The following FKRP variants were observed in gnomAD, a reference collection of about 807,000 sequenced individuals.
FKRP encodes the protein fukutin related protein.
A neutral mutation model predicts 30.6 loss-of-function variants in FKRP; 25 were observed. The observed-to-expected ratio is 0.82, with a 90% CI of 0.60 to 1.14. The LOEUF is 1.14. FKRP is among the 50% of genes most tolerant of loss of function. FKRP has a pLI of 0.00. For missense variants in FKRP, 771 were observed against 727.8 expected, an observed-to-expected ratio of 1.06 and a Z score of -0.68; for synonymous variants, 358 against 342.5, an observed-to-expected ratio of 1.05 and a Z score of -0.50.
rs1474419297 is a variant in FKRP, at chr19:46,757,713, AATAGAAGT to A, written c.*778_*785del. 1.2e-5 allele frequency: 2 copies of A among 167,252 alleles called. No homozygotes were observed. The highest frequency in any genetic ancestry group is 2.9e-5 in the Non-Finnish European group (2 of 68,258). The allele number at this position is 167,252 out of a possible 1,614,324, so 10.4% of individuals were successfully genotyped here. On this transcript the variant is annotated 3_prime_UTR_variant, in exon 4 of 4. Transcript: ENST00000318584. ...CTCTTAACTGTTCTATTCAAGACTG[AATAGAAGT>A]ATTTCAGTCTTGCAGAGGAGGAAAT...
upstream of FKRP, among the ~76,000 whole-genome samples, chr19:46,745,210 C>T (rs957081277): frequency 6.6e-6 from 1 of 152,086 alleles, no homozygotes; most frequent in African/African-American, 2.4e-5. Flanking sequence ...GTTCAGGGCT[C>T]TCTACCTACA....
At chr19:46,746,118 T>TG in intron 1 of FKRP, 28 bp downstream of exon 1, 2 of 1,373,066 alleles carry the variant, frequency 1.5e-6, no homozygotes, top group Non-Finnish European at 1.9e-6. Context: ...CGGGCCGGGT[T>TG]GGGGGTCGGG....
intron 1 of FKRP, 121 bp downstream of exon 1, chr19:46,746,211 G>T (rs1257640369): frequency 1.3e-6 from 2 of 1,538,982 alleles, no homozygotes; most frequent in Admixed American, 3.7e-5. Flanking sequence ...GCCCACTCGT[G>T]CTGGATAAAG....
intron 2 of FKRP, among the ~76,000 whole-genome samples, 183 bp from the exon 3 acceptor site, chr19:46,748,332 C>A (rs968188266): frequency 6.6e-6 from 1 of 152,120 alleles, no homozygotes; most frequent in Non-Finnish European, 1.5e-5. Context: ...CACCTGCCAC[C>A]ACGCCCGGCT....
intron 1 of FKRP, chr19:46,747,312 T>C (rs1029751460): frequency 6.6e-6 from 1 of 152,100 alleles, no homozygotes; most frequent in Admixed American, 6.6e-5. Flanking sequence ...ACAGGCAAGT[T>C]CAAGGCCTGG....
rs1425290059 is a variant in FKRP at position 46,756,902 on chromosome 19, C to T, written c.1452C>T (p.Pro484=). Residue 484 remains proline (P), a synonymous_variant, in exon 4 of 4, where the codon CCC becomes CCT. Coordinates refer to ENST00000318584, the MANE Select transcript of FKRP (RefSeq NM_024301.5). This position sits in a 1 kb window ranked among gnomAD's most constrained non-coding sequence, Gnocchi z 6.6. Reference sequence around the variant, plus strand: ...GGGTCATCGAGAACCCCCAGTACCCCAACCCGGCACTGCTGAGTCTGACGG... The same window carrying T: ...GGGTCATCGAGAACCCCCAGTACCCTAACCCGGCACTGCTGAGTCTGACGG... The part of the protein sequence containing the change: ...GPGVIENPQY[P]NPALLSLTGS... 1 of 1,612,902 alleles carries T rather than the reference C, an allele frequency of 6.2e-7. No individual in the cohort carries two copies. Among genetic ancestry groups the T allele is most frequent in the Non-Finnish European group, 8.5e-7 (1 of 1,179,964 alleles).
chr19:46,754,206 T>C (rs2054853552), intron 3 of FKRP: 1 of 151,992 alleles, frequency 6.6e-6, no homozygotes, highest in African/African-American at 2.4e-5. Flanking sequence ...ACCCAGCTAA[T>C]TTTTTATTTT....
At position 46,756,822 on chromosome 19, in the gene FKRP, G is replaced by A. The variant is rs1480545874; in HGVS notation, c.1372G>A (p.Val458Met). 1.9e-6 allele frequency: 3 copies of A among 1,599,296 alleles called. No individual in the cohort carries two copies. The change falls in exon 4 of 4, where the codon GTG (valine) becomes ATG (methionine). Residue 458 changes from valine to methionine, a missense_variant. Transcript: ENST00000318584. This position sits in a 1 kb window ranked among gnomAD's most constrained non-coding sequence, Gnocchi z 6.6. The part of the protein sequence containing the change: ...PLVPLPFAGF[V>M]AQAPNNYRRF... ...GGTGCCCCTGCCCTTTGCCGGCTTC[G>A]TGGCGCAGGCGCCTAACAACTACCG...
rs1555738285 is a variant in FKRP, at chr19:46,755,767, C to T, written c.317C>T (p.Pro106Leu). ...IPNVRLALLQ[P>L]ALDRPAAASR... is the part of the protein sequence containing the mutation. ...AACGTGCGTCTGGCGCTGCTCCAGC[C>T]CGCCCTGGACCGGCCAGCCGCAGCC... The change falls in exon 4 of 4, where the codon CCC becomes CTC. Residue 106 changes from proline (P) to leucine (L), a missense_variant. Transcript: ENST00000318584. 6.5e-7 allele frequency: 1 copy of T among 1,533,316 alleles called. No individual in the cohort carries two copies. The highest frequency in any genetic ancestry group is 8.7e-7 in the Non-Finnish European group (1 of 1,144,258). 95.0% of individuals were successfully genotyped at this position (1,533,316 alleles called of 1,614,324 possible). A position where few individuals can be genotyped will look rare whatever the true frequency, so the allele number is the denominator to read the frequency against.
chr19:46,757,310 AG>A lies in FKRP; in HGVS notation c.*376del. On this transcript the variant is annotated 3_prime_UTR_variant, in exon 4 of 4. Transcript: ENST00000318584. ...TTCCGAGAGCCCTGCGCTCTAGGGC[AG>A]GGGCAGAGTTTTGGAAACAGTGCAG... 1 of 342,718 alleles carries A rather than the reference AG, an allele frequency of 2.9e-6. No homozygotes were observed. 21.2% of individuals were successfully genotyped at this position (342,718 alleles called of 1,614,324 possible). A position where few individuals can be genotyped will look rare whatever the true frequency, so the allele number is the denominator to read the frequency against.
rs773630493 is a variant in FKRP, at chr19:46,746,135, G to A, written c.-253+45G>A. ...GGCCGGGTTGGGGGTCGGGGGTCCCGGGACAGCGCTCACCTGTAACTCGGC... is the reference window on the plus strand; with the variant it reads ...GGCCGGGTTGGGGGTCGGGGGTCCCAGGACAGCGCTCACCTGTAACTCGGC... On this transcript the variant is annotated intron_variant, in intron 1 of 3. Coordinates refer to ENST00000318584, the MANE Select transcript of FKRP (RefSeq NM_024301.5). The A allele has an allele frequency of 3.3e-6, 5 of 1,495,926 alleles. No individual in the cohort carries two copies. The Admixed American group carries it at 6.5e-5, about 20-fold the overall frequency. 92.7% of individuals were successfully genotyped at this position (1,495,926 alleles called of 1,614,324 possible).
At position 46,757,157 on chromosome 19, in the gene FKRP, C is replaced by T; in HGVS notation, c.*219C>T. ...CTCCAGATTTATCAAATGGTCATGC[C>T]CACTGGGAGCCGTGGATATGCGTGG... On this transcript the variant is annotated 3_prime_UTR_variant, in exon 4 of 4. Coordinates refer to ENST00000318584, the MANE Select transcript of FKRP (RefSeq NM_024301.5). 1.5e-6 allele frequency: 1 copy of T among 655,068 alleles called. No individual in the cohort carries two copies. The highest frequency in any genetic ancestry group is 1.8e-5 in the South Asian group (1 of 54,840). 40.6% of individuals were successfully genotyped at this position (655,068 alleles called of 1,614,324 possible).
intron 3 of FKRP, among the ~76,000 whole-genome samples, chr19:46,749,353 T>C (rs2054738484): frequency 6.6e-6 from 1 of 151,956 alleles, no homozygotes; most frequent in Non-Finnish European, 1.5e-5. Flanking sequence ...CTACTTCACA[T>C]TGTGTGACCT....
rs1555738753 is a variant in FKRP, at chr19:46,756,228, G to T, written c.778G>T (p.Glu260Ter). The change falls in exon 4 of 4, where the codon GAG becomes TAG. Residue 260 changes from glutamate to a stop codon, truncating the protein, a stop_gained. Coordinates refer to ENST00000318584, the MANE Select transcript of FKRP (RefSeq NM_024301.5). LOFTEE classifies it high-confidence loss of function. The surrounding 1 kb of genome is among the most constrained non-coding windows in gnomAD (Gnocchi z 6.6). ...TAHARWKAER[E>*]GRARRAALLR... Reference sequence around the variant, plus strand: ...CCACGCGCGCTGGAAGGCTGAGCGCGAGGGACGCGCTCGGCGGGCGGCGCT... The same window carrying T: ...CCACGCGCGCTGGAAGGCTGAGCGCTAGGGACGCGCTCGGCGGGCGGCGCT... 4 of 1,451,012 alleles carry T rather than the reference G, an allele frequency of 2.8e-6. No homozygotes were observed. Among genetic ancestry groups the T allele is most frequent in the Middle Eastern group, 2.0e-4 (1 of 5,074 alleles). 89.9% of individuals were successfully genotyped at this position (1,451,012 alleles called of 1,614,324 possible).
rs370575962 is a variant in FKRP, at chr19:46,756,569, C to A, written c.1119C>A (p.Gly373=). The part of the protein sequence containing the change: ...VDLGIYLEDV[G]NCEQLRGAEA... The stretch of plus-strand genomic sequence containing the variant: ...TGGGCATCTACTTGGAGGACGTGGG[C>A]AACTGCGAGCAGCTGCGGGGGGCAG... The change falls in exon 4 of 4, where the codon GGC becomes GGA. Residue 373 remains glycine (G), a synonymous_variant. Coordinates refer to ENST00000318584, the MANE Select transcript of FKRP (RefSeq NM_024301.5). This position sits in a 1 kb window ranked among gnomAD's most constrained non-coding sequence, Gnocchi z 6.6. 8.0e-5 allele frequency: 129 copies of A among 1,608,602 alleles called. No homozygotes were observed. Among genetic ancestry groups the A allele is most frequent in the Non-Finnish European group, 9.8e-5 (116 of 1,178,366 alleles).
At chr19:46,746,423 T>A (rs2054622453) in intron 1 of FKRP, 1 of 1,026,480 alleles carries the variant, frequency 9.7e-7, no homozygotes, top group Non-Finnish European at 1.2e-6. Flanking sequence ...CGCTCGCTCC[T>A]CCATCATGGA....
rs993547037 is a variant in FKRP at position 46,758,547 on chromosome 19, G to C, written c.*1609G>C. The stretch of plus-strand genomic sequence containing the variant: ...CATCCCAATGACTTTTGCACACCCA[G>C]GTGTGAGCACCCAGCATTCAAGACC... On this transcript the variant is annotated 3_prime_UTR_variant, in exon 4 of 4. Coordinates refer to ENST00000318584, the MANE Select transcript of FKRP (RefSeq NM_024301.5). The C allele has an allele frequency of 2.4e-5, 4 of 165,138 alleles. No individual in the cohort carries two copies. In the Admixed American group the frequency reaches 2.7e-4, roughly 11 times the overall value. 10.2% of individuals were successfully genotyped at this position (165,138 alleles called of 1,614,324 possible).
At chr19:46,746,517 C>T (rs2054634668) in intron 1 of FKRP, 1 of 797,524 alleles carries the variant, frequency 1.3e-6, no homozygotes, top group Non-Finnish European at 1.5e-6. Flanking sequence ...CCCGCCGCAA[C>T]CACCGCGCGC....
rs748272589 is a variant in FKRP, at chr19:46,755,454, C to A, written c.4C>A (p.Arg2=). 6.2e-7 allele frequency: 1 copy of A among 1,604,758 alleles called. No individual in the cohort carries two copies. The highest frequency in any genetic ancestry group is 8.5e-7 in the Non-Finnish European group (1 of 1,178,860). The change falls in exon 4 of 4, where the codon CGG becomes AGG. Residue 2 remains arginine, a synonymous_variant. Coordinates refer to ENST00000318584, the MANE Select transcript of FKRP (RefSeq NM_024301.5). M[R]LTRCQAALAA... Reference sequence around the variant, plus strand: ...GCTAGCCCCAGACTTCGGCCCCATGCGGCTCACCCGCTGCCAGGCTGCCCT... The same window carrying A: ...GCTAGCCCCAGACTTCGGCCCCATGAGGCTCACCCGCTGCCAGGCTGCCCT...
Sources: gnomAD v4.1 joint callset for allele counts (sites outside exome capture counted in the v4.1 genomes callset) on GRCh38, gnomAD v4.1.1 for gene constraint, Gnocchi (gnomAD v3.1) non-coding constraint, MANE v1.5 for transcripts, NCBI Gene and HGNC (gene_info 2026-07-23, HGNC 2026-07-21) for gene names.